The following ME2 variants were observed in gnomAD, a reference collection of about 807,000 sequenced individuals.
The protein encoded by ME2 is malic enzyme 2.
ME2 carries 60 observed loss-of-function variants against 73.7 expected under a neutral mutation model. The ratio of observed to expected loss-of-function variants is 0.81; its 90% confidence interval spans 0.66 to 1.01. The LOEUF (loss-of-function observed/expected upper bound fraction) is 1.01. ME2 is among the 50% of genes least tolerant of loss of function. The probability of loss-of-function intolerance (pLI) is 0.00; values close to 1 mark genes in which losing one functional copy is unlikely to be tolerated. For synonymous variants in ME2, 199 were observed against 236.9 expected, an observed-to-expected ratio of 0.84 and a Z score of 1.47; for missense variants, 594 against 705.5, an observed-to-expected ratio of 0.84 and a Z score of 1.79.
chr18:50,938,523 G>A (rs1917868217), intron 13 of ME2, among the ~76,000 whole-genome samples: 1 of 152,244 alleles, frequency 6.6e-6, no homozygotes, highest in Middle Eastern at 3.4e-3. Flanking sequence ...TCAAATATAA[G>A]TAGAAAGAAG....
rs781155418 is a variant in ME2 at position 50,916,148 on chromosome 18, G to T, written c.393-20G>T. ...AACAAAGCTGTTGTGAAATGCAAAGGTGTTTTTGTTCTGTTGCAGGGGATT... is the reference window on the plus strand; with the variant it reads ...AACAAAGCTGTTGTGAAATGCAAAGTTGTTTTTGTTCTGTTGCAGGGGATT... On this transcript the variant is annotated intron_variant, in intron 4 of 15. Coordinates refer to ENST00000321341, the MANE Select transcript of ME2 (RefSeq NM_002396.5). 1.3e-6 allele frequency: 2 copies of T among 1,553,154 alleles called. No individual in the cohort carries two copies. The highest frequency in any genetic ancestry group is 1.8e-6 in the Non-Finnish European group (2 of 1,136,086).
At chr18:50,921,334 C>T in intron 10 of ME2, 147 bp downstream of exon 10, 1 of 505,062 alleles carries the variant, frequency 2.0e-6, no homozygotes. Flanking sequence ...AACAGATGTC[C>T]CTAGTCTTGT....
At chr18:50,886,734 C>T (rs1916482117) in intron 1 of ME2, among the ~76,000 whole-genome samples, 1 of 152,060 alleles carries the variant, frequency 6.6e-6, no homozygotes, top group South Asian at 2.1e-4. Flanking sequence ...GATGCAGTGG[C>T]TCACACCTGT....
At chr18:50,922,965 T>C (rs1381527071) in intron 10 of ME2, among the ~76,000 whole-genome samples, 1 of 152,218 alleles carries the variant, frequency 6.6e-6, no homozygotes, top group Non-Finnish European at 1.5e-5. Flanking sequence ...AATAAGAATA[T>C]GAGTTCTCAG....
intron 7 of ME2, among the ~76,000 whole-genome samples, chr18:50,919,631 T>A (rs1191095973): frequency 6.6e-6 from 1 of 152,186 alleles, no homozygotes; most frequent in Non-Finnish European, 1.5e-5. Context: ...AGATCTCTTG[T>A]CTTCGTATCA....
In ME2 at chr18:50,911,078, C is replaced by T. The variant is rs186570242; in HGVS notation, c.243-1723C>T. Among the ~76,000 whole-genome samples the T allele has an allele frequency of 3.6e-3, 551 of 152,300 alleles. 2 individuals carry two copies. The highest frequency in any genetic ancestry group is 5.8e-3 in the Non-Finnish European group (395 of 68,022). On this transcript the variant is annotated intron_variant, in intron 3 of 15. Coordinates refer to ENST00000321341, the MANE Select transcript of ME2 (RefSeq NM_002396.5). ...GAGTGCTGCCCATCACTGAGGCACACAGAAGACTGACTAAAGTGAAATAAG... is the reference window on the plus strand; with the variant it reads ...GAGTGCTGCCCATCACTGAGGCACATAGAAGACTGACTAAAGTGAAATAAG...
intron 10 of ME2, among the ~76,000 whole-genome samples, chr18:50,923,512 A>G (rs1851622895): frequency 6.6e-6 from 1 of 151,984 alleles, no homozygotes; most frequent in South Asian, 2.1e-4. Flanking sequence ...TCAGCTTCCC[A>G]CTTTGGGAAG....
chr18:50,925,478 C>G (rs1356321453), intron 11 of ME2, among the ~76,000 whole-genome samples: 2 of 151,758 alleles, frequency 1.3e-5, no homozygotes, highest in Admixed American at 6.6e-5. Flanking sequence ...GACTCTGTCT[C>G]AAAAAACAAA....
intron 2 of ME2, among the ~76,000 whole-genome samples, chr18:50,906,449 A>T (rs1042023556): frequency 6.6e-5 from 10 of 152,098 alleles, no homozygotes; most frequent in African/African-American, 9.7e-5. Context: ...AGTAGCTGGG[A>T]CCACAGGCAC....
At chr18:50,940,654 G>A (rs1353775820) in intron 15 of ME2, among the ~76,000 whole-genome samples, 1 of 152,106 alleles carries the variant, frequency 6.6e-6, no homozygotes, top group Non-Finnish European at 1.5e-5. Context: ...AATAGAGATA[G>A]GGGTCTTCCT....
chr18:50,943,601 G>A (rs1918014249), intron 15 of ME2, among the ~76,000 whole-genome samples: 1 of 152,072 alleles, frequency 6.6e-6, no homozygotes. Context: ...ACTGTGGCCA[G>A]CTTTGACTAT....
In ME2 at chr18:50,949,990, C is replaced by T. The variant is rs924125463; in HGVS notation, c.*2806C>T. The T allele has an allele frequency of 6.6e-6, 1 of 152,124 alleles. No individual in the cohort carries two copies. The highest frequency in any genetic ancestry group is 1.5e-5 in the Non-Finnish European group (1 of 68,026). The allele number at this position is 152,124 out of a possible 1,614,324, so 9.4% of individuals were successfully genotyped here. On this transcript the variant is annotated 3_prime_UTR_variant, in exon 16 of 16. Transcript: ENST00000321341. ...AACATTACCTTCGATGAGACTTTAC[C>T]TAGCAAGAAGGTAATTATTTTGAAT...
At chr18:50,933,728 G>A (rs968778363) in intron 13 of ME2, 22 of 151,836 alleles carry the variant, frequency 1.4e-4, no homozygotes, top group African/African-American at 5.3e-4. Flanking sequence ...ATTGTGTGTT[G>A]CAGGGGGTTT....
rs377012655 is a variant in ME2 at position 50,894,416 on chromosome 18, A to T, written c.-12-1393A>T. On this transcript the variant is annotated intron_variant, in intron 1 of 15. Transcript: ENST00000321341. ...CTGTCTCTACAAAAATACAGAAAAA[A>T]AATTAGCTGGGCATGATGGCGGGTT... Among the ~76,000 whole-genome samples, 4 of 151,734 alleles carry T rather than the reference A, an allele frequency of 2.6e-5. No individual in the cohort carries two copies. The East Asian group carries it at 7.8e-4, about 29-fold the overall frequency.
chr18:50,907,279 G>A (rs957055564), intron 2 of ME2, among the ~76,000 whole-genome samples: 8 of 152,158 alleles, frequency 5.3e-5, no homozygotes, highest in African/African-American at 1.9e-4. Flanking sequence ...GATTTTCATA[G>A]TAATTGTGAG....
intron 1 of ME2, 63 bp from the exon 2 acceptor site, chr18:50,895,746 C>T (rs980436638): frequency 6.0e-6 from 6 of 994,298 alleles, no homozygotes; most frequent in African/African-American, 3.3e-5. Flanking sequence ...AACTGATACC[C>T]GATGGACATG....
At position 50,948,797 on chromosome 18, in the gene ME2, C is replaced by G. The variant is rs1323762418; in HGVS notation, c.*1613C>G. On this transcript the variant is annotated 3_prime_UTR_variant, in exon 16 of 16. Coordinates refer to ENST00000321341, the MANE Select transcript of ME2 (RefSeq NM_002396.5). ...GACCTCGCGATCCGCCCACCTCAGC[C>G]TTCCAAAGTGCTGGGATTACAGGCG... The G allele has an allele frequency of 1.3e-5, 2 of 151,460 alleles. No homozygotes were observed. Among genetic ancestry groups the G allele is most frequent in the African/African-American group, 4.9e-5 (2 of 41,178 alleles). 9.4% of individuals were successfully genotyped at this position (151,460 alleles called of 1,614,324 possible).
At chr18:50,937,008 A>G (rs948879124) in intron 13 of ME2, among the ~76,000 whole-genome samples, 3 of 152,150 alleles carry the variant, frequency 2.0e-5, no homozygotes, top group Non-Finnish European at 2.9e-5. Context: ...AAACACTACA[A>G]AGACTTCCTG....
At chr18:50,889,272 A>G (rs932490028) in intron 1 of ME2, among the ~76,000 whole-genome samples, 1 of 152,208 alleles carries the variant, frequency 6.6e-6, no homozygotes, top group Non-Finnish European at 1.5e-5. Flanking sequence ...GCTGATCACT[A>G]GAAAGACCAA....
Sources: gnomAD v4.1 joint callset for allele counts (sites outside exome capture counted in the v4.1 genomes callset) on GRCh38, gnomAD v4.1.1 for gene constraint, MANE v1.5 for transcripts, NCBI Gene and HGNC (gene_info 2026-07-23, HGNC 2026-07-21) for gene names.